Variants in FAM151B observed in about 807,000 individuals in gnomAD.
FAM151B encodes family with sequence similarity 151 member B.
In FAM151B, 24 loss-of-function variants were observed where a neutral mutation model predicts 31.2. The ratio of observed to expected loss-of-function variants is 0.77; its 90% CI spans 0.56 to 1.08. The LOEUF (loss-of-function observed/expected upper bound fraction) is 1.08. Ranked by LOEUF, FAM151B falls within the 50% of genes least tolerant of loss-of-function variation. The probability of loss-of-function intolerance (pLI) is 0.00; values close to 1 mark genes in which losing one functional copy is unlikely to be tolerated. For synonymous variants in FAM151B, 105 were observed against 111.4 expected, an observed-to-expected ratio of 0.94 and a Z score of 0.36; for missense variants, 293 against 328.6, an observed-to-expected ratio of 0.89 and a Z score of 0.84.
rs3072031 is a variant in FAM151B, at chr5:80,495,830, CAAAAAAAAAAAA to C, written c.26-5944_26-5933del. Among the ~76,000 whole-genome samples the C allele has an allele frequency of 1.5e-4, 13 of 88,154 alleles. No homozygotes were observed. In the East Asian group the frequency reaches 4.1e-3, roughly 28 times the overall value. The allele number at this position is 88,154 out of a possible 152,430, so 57.8% of individuals were successfully genotyped here. On this transcript the variant is annotated intron_variant, in intron 1 of 5. Transcript: ENST00000282226. ...TGGGCGAAAGAGCGAGACTCCGTCT[CAAAAAAAAAAAA>C]AAAAAAAAAAAAAAAAAGAACTAGT...
At chr5:80,525,419 A>T (rs1173122268) in intron 5 of FAM151B, among the ~76,000 whole-genome samples, 1 of 152,138 alleles carries the variant, frequency 6.6e-6, no homozygotes, top group East Asian at 1.9e-4. Context: ...CTGCAGTAAC[A>T]CCCTTGAACC....
chr5:80,515,602 T>C (rs987901870), intron 3 of FAM151B, among the ~76,000 whole-genome samples: 2 of 152,190 alleles, frequency 1.3e-5, no homozygotes, highest in African/African-American at 4.8e-5. Context: ...TCTTAAGTGC[T>C]AGCAGCTAGC....
intron 5 of FAM151B, among the ~76,000 whole-genome samples, chr5:80,530,941 C>A (rs1745214587): frequency 6.6e-6 from 1 of 152,076 alleles, no homozygotes; most frequent in Non-Finnish European, 1.5e-5. Flanking sequence ...CAATCTTAAG[C>A]CAAAAGAGCA....
intron 5 of FAM151B, among the ~76,000 whole-genome samples, chr5:80,522,703 A>G (rs1240203960): frequency 2.0e-5 from 3 of 152,158 alleles, no homozygotes; most frequent in Non-Finnish European, 4.4e-5. Context: ...CCGAGGCTTC[A>G]GTGAGCCAAG....
intron 2 of FAM151B, among the ~76,000 whole-genome samples, chr5:80,506,299 T>C (rs1030785071): frequency 3.5e-4 from 54 of 152,314 alleles, no homozygotes; most frequent in African/African-American, 1.2e-3. Context: ...CATGAAAATA[T>C]GTAGCCCTAG....
rs559145382 is a variant in FAM151B at position 80,526,349 on chromosome 5, T to G, written c.671+4211T>G. ...AGGGCCAGGCACAGTGTCTCATGTGTGTAATCCTAGCACTTTGGGAGGCCA... is the reference window on the plus strand; with the variant it reads ...AGGGCCAGGCACAGTGTCTCATGTGGGTAATCCTAGCACTTTGGGAGGCCA... On this transcript the variant is annotated intron_variant, in intron 5 of 5. Coordinates refer to ENST00000282226, the MANE Select transcript of FAM151B (RefSeq NM_205548.3). Among the ~76,000 whole-genome samples the G allele has an allele frequency of 6.2e-4, 95 of 152,046 alleles. 1 individual carries two copies. The highest frequency in any genetic ancestry group is 2.1e-3 in the African/African-American group (89 of 41,446).
chr5:80,535,226 T>G, intron 5 of FAM151B, among the ~76,000 whole-genome samples: 1 of 152,158 alleles, frequency 6.6e-6, no homozygotes, highest in East Asian at 1.9e-4. Context: ...CCAATGACAT[T>G]CTTCACAGAA....
intron 1 of FAM151B, among the ~76,000 whole-genome samples, chr5:80,489,073 A>T (rs1038733238): frequency 2.0e-5 from 3 of 152,120 alleles, no homozygotes; most frequent in African/African-American, 7.2e-5. Flanking sequence ...ATACTATCCC[A>T]TGTCACCAAG....
intron 1 of FAM151B, among the ~76,000 whole-genome samples, chr5:80,499,733 G>A (rs1220336757): frequency 6.6e-6 from 1 of 150,688 alleles, no homozygotes; most frequent in Non-Finnish European, 1.5e-5. Flanking sequence ...TATATAACAT[G>A]TTTATATATA....
intron 5 of FAM151B, among the ~76,000 whole-genome samples, chr5:80,528,210 TG>T (rs1745058077): frequency 2.0e-5 from 3 of 151,622 alleles, no homozygotes; most frequent in Admixed American, 2.0e-4. Context: ...AACCATACAG[TG>T]GATACACAAA....
At chr5:80,517,505 C>T (rs1258456257) in intron 3 of FAM151B, among the ~76,000 whole-genome samples, 1 of 152,098 alleles carries the variant, frequency 6.6e-6, no homozygotes, top group African/African-American at 2.4e-5. Flanking sequence ...AAAATAAGAA[C>T]TACAACAACA....
intron 5 of FAM151B, among the ~76,000 whole-genome samples, chr5:80,522,821 AAT>A (rs1744782297): frequency 6.6e-6 from 1 of 152,172 alleles, no homozygotes; most frequent in African/African-American, 2.4e-5. Flanking sequence ...ATGTAATAAA[AAT>A]TAGTTGGACC....
chr5:80,522,374 A>C (rs1469615696), intron 5 of FAM151B: 2 of 378,250 alleles, frequency 5.3e-6, no homozygotes, highest in African/African-American at 4.1e-5. Flanking sequence ...TTTTGTACAT[A>C]GTAGGTGCTC....
At chr5:80,515,781 T>G (rs1248556475) in intron 3 of FAM151B, among the ~76,000 whole-genome samples, 1 of 152,186 alleles carries the variant, frequency 6.6e-6, no homozygotes. Context: ...GTAACAATCC[T>G]AAGAGGTAGG....
intron 5 of FAM151B, among the ~76,000 whole-genome samples, chr5:80,534,204 A>C (rs1043799508): frequency 6.6e-6 from 1 of 152,176 alleles, no homozygotes. Flanking sequence ...CACCAGTCCT[A>C]TTCAAACTAT....
chr5:80,507,008 A>G (rs1743987974), intron 2 of FAM151B, among the ~76,000 whole-genome samples: 1 of 151,528 alleles, frequency 6.6e-6, no homozygotes, highest in East Asian at 2.0e-4. Flanking sequence ...AGTCCCAGCT[A>G]TTTGGGAGGC....
chr5:80,535,872 T>C (rs1337384854), intron 5 of FAM151B, among the ~76,000 whole-genome samples: 1 of 152,146 alleles, frequency 6.6e-6, no homozygotes, highest in Non-Finnish European at 1.5e-5. Flanking sequence ...AATATATAAG[T>C]AGCTCAAACA....
chr5:80,522,277 G>T (rs570999039), intron 5 of FAM151B, 139 bp downstream of exon 5: 2 of 821,472 alleles, frequency 2.4e-6, no homozygotes, highest in African/African-American at 1.7e-5. Flanking sequence ...TGATATAAGC[G>T]CACAGACTCC....
chr5:80,525,678 G>A (rs1476485769), intron 5 of FAM151B, among the ~76,000 whole-genome samples: 1 of 151,972 alleles, frequency 6.6e-6, no homozygotes, highest in African/African-American at 2.4e-5. Context: ...AGTAGAAGCT[G>A]ACGTACACTA....
Sources: allele counts gnomAD v4.1 joint callset (sites outside exome capture counted in the v4.1 genomes callset), GRCh38; gene constraint gnomAD v4.1.1; transcripts MANE v1.5; gene names NCBI Gene and HGNC (gene_info 2026-07-23, HGNC 2026-07-21).